Variants in GALNT17 observed in about 807,000 individuals in gnomAD.
The protein encoded by GALNT17 is polypeptide N-acetylgalactosaminyltransferase 17, also known as UDP-GalNAc:polypeptide N-acetylgalactosaminyltransferase-like 3.
GALNT17 carries 29 observed loss-of-function variants against 63.7 expected under a neutral mutation model. That is an observed-to-expected ratio of 0.46 (90% CI 0.34 to 0.62). The LOEUF (loss-of-function observed/expected upper bound fraction) is 0.62. GALNT17 is among the 20% of genes least tolerant of loss of function. The pLI is 0.01. For missense variants in GALNT17, 603 were observed against 799.6 expected, an observed-to-expected ratio of 0.75 and a Z score of 2.97; for synonymous variants, 305 against 318.3, an observed-to-expected ratio of 0.96 and a Z score of 0.45.
intron 1 of GALNT17, among the ~76,000 whole-genome samples, chr7:71,181,884 GA>G (rs11347622): frequency 0.28 from 39,079 of 141,056 alleles, 9,384 homozygotes; most frequent in African/African-American, 0.66. Context: ...CTCTTAAAAG[GA>G]AAAAAAAAAG....
intron 1 of GALNT17, among the ~76,000 whole-genome samples, chr7:71,293,665 G>T (rs1791024247): frequency 6.6e-6 from 1 of 152,116 alleles, no homozygotes; most frequent in Admixed American, 6.5e-5. Context: ...GTCTGAGGAG[G>T]ACTTAATCTC....
intron 5 of GALNT17, among the ~76,000 whole-genome samples, chr7:71,515,951 G>A (rs1005911106): frequency 2.0e-5 from 3 of 152,152 alleles, no homozygotes; most frequent in African/African-American, 7.2e-5. Flanking sequence ...TTCTCGTGAG[G>A]CTTTCATTAG....
At chr7:71,487,605 C>G (rs949293050) in intron 5 of GALNT17, among the ~76,000 whole-genome samples, 35 of 152,148 alleles carry the variant, frequency 2.3e-4, no homozygotes, top group African/African-American at 8.4e-4. Context: ...GACCCCATCT[C>G]TATAAAAGAA....
intron 1 of GALNT17, among the ~76,000 whole-genome samples, chr7:71,287,281 G>C (rs1234875947): frequency 6.6e-6 from 1 of 151,780 alleles, no homozygotes; most frequent in Non-Finnish European, 1.5e-5. Context: ...GTAGAGATGA[G>C]GTTTTGCCCT....
intron 1 of GALNT17, among the ~76,000 whole-genome samples, chr7:71,151,634 A>AAG (rs1554333557): frequency 1.6e-5 from 1 of 63,404 alleles, no homozygotes; most frequent in Non-Finnish European, 3.9e-5. Context: ...AAAAGAAAAG[A>AAG]AAAAAAAAAA....
chr7:71,529,104 C>G (rs1008701718), intron 5 of GALNT17, among the ~76,000 whole-genome samples: 3 of 152,014 alleles, frequency 2.0e-5, no homozygotes, highest in African/African-American at 7.3e-5. Flanking sequence ...CACTGCACTC[C>G]AGCCTGGGTG....
intron 5 of GALNT17, among the ~76,000 whole-genome samples, chr7:71,504,199 C>G (rs1405376364): frequency 2.0e-5 from 3 of 150,492 alleles, no homozygotes; most frequent in Non-Finnish European, 4.4e-5. Context: ...TGCACTCCAG[C>G]CTGGGTGACA....
At chr7:71,289,090 A>C (rs1790930130) in intron 1 of GALNT17, among the ~76,000 whole-genome samples, 1 of 150,824 alleles carries the variant, frequency 6.6e-6, no homozygotes. Context: ...CTCACAGTCA[A>C]AATTTTGTGT....
intron 2 of GALNT17, among the ~76,000 whole-genome samples, chr7:71,376,238 T>C (rs10268194): frequency 0.14 from 20,734 of 151,920 alleles, 1,733 homozygotes; most frequent in East Asian, 0.4. Flanking sequence ...TCGTTTGACA[T>C]GTACCATAGA....
intron 5 of GALNT17, among the ~76,000 whole-genome samples, chr7:71,459,214 C>T (rs780442106): frequency 4.6e-5 from 7 of 151,956 alleles, no homozygotes; most frequent in Non-Finnish European, 1.0e-4. Flanking sequence ...CTGGGGCTAC[C>T]ACATGGGCAG....
chr7:71,482,075 A>ATGTGTGTGTGTGTGTG (rs1384133269), intron 5 of GALNT17, among the ~76,000 whole-genome samples: 1 of 40,430 alleles, frequency 2.5e-5, no homozygotes, highest in Admixed American at 3.5e-4. Flanking sequence ...GTATACATAT[A>ATGTGTGTGTGTGTGTG]TGTATATGTG....
At chr7:71,455,993 C>T (rs1787348466) in intron 5 of GALNT17, among the ~76,000 whole-genome samples, 1 of 152,172 alleles carries the variant, frequency 6.6e-6, no homozygotes, top group Non-Finnish European at 1.5e-5. Context: ...CGTCTGTAAT[C>T]CCAGCACTTT....
At chr7:71,314,596 G>GT (rs1409549386) in intron 1 of GALNT17, among the ~76,000 whole-genome samples, 1 of 152,000 alleles carries the variant, frequency 6.6e-6, no homozygotes, top group Non-Finnish European at 1.5e-5. Flanking sequence ...TTTTTGTTTT[G>GT]TTTTTTTCTT....
chr7:71,555,132 C>T (rs1329355190), intron 5 of GALNT17, among the ~76,000 whole-genome samples: 1 of 152,104 alleles, frequency 6.6e-6, no homozygotes, highest in Non-Finnish European at 1.5e-5. Flanking sequence ...CTCATTACCA[C>T]AGGGAAGGCA....
At chr7:71,225,772 A>G (rs1789669431) in intron 1 of GALNT17, among the ~76,000 whole-genome samples, 2 of 152,248 alleles carry the variant, frequency 1.3e-5, no homozygotes, top group Non-Finnish European at 1.5e-5. Context: ...TATAGCATTT[A>G]AATGAGCAAT....
At chr7:71,466,793 T>C (rs1487184796) in intron 5 of GALNT17, among the ~76,000 whole-genome samples, 16 of 152,160 alleles carry the variant, frequency 1.1e-4, no homozygotes, top group Admixed American at 1.0e-3. Context: ...TACGAATCCA[T>C]CTACAACCTG....
chr7:71,428,072 G>T (rs1346864974), intron 5 of GALNT17, among the ~76,000 whole-genome samples: 1 of 152,084 alleles, frequency 6.6e-6, no homozygotes, highest in Admixed American at 6.6e-5. Flanking sequence ...TGTTTATGAT[G>T]TTCTTAATCG....
At chr7:71,240,411 C>T (rs10248720) in intron 1 of GALNT17, among the ~76,000 whole-genome samples, 2,574 of 152,270 alleles carry the variant, frequency 0.017, 76 homozygotes, top group African/African-American at 0.057. Context: ...AGTTTTTCAA[C>T]ACTCACTTCC....
chr7:71,311,460 C>T (rs936830692), intron 1 of GALNT17, among the ~76,000 whole-genome samples: 1 of 152,036 alleles, frequency 6.6e-6, no homozygotes, highest in Non-Finnish European at 1.5e-5. Context: ...TGCAAGACCC[C>T]CATCTCTACA....
Sources: allele counts gnomAD v4.1 joint callset (sites outside exome capture counted in the v4.1 genomes callset), GRCh38; gene constraint gnomAD v4.1.1; transcripts MANE v1.5; gene names NCBI Gene and HGNC (gene_info 2026-07-23, HGNC 2026-07-21).